The following MMP20 variants were observed in gnomAD, a reference collection of about 807,000 sequenced individuals.
MMP20 encodes matrix metallopeptidase 20.
In MMP20, 50 loss-of-function variants were observed where a neutral mutation model predicts 51.8. The observed-to-expected ratio is 0.97, with a 90% CI of 0.77 to 1.22. MMP20 has a LOEUF of 1.22. Ranked by LOEUF, MMP20 falls within the 50% of genes most tolerant of loss-of-function variation. The probability of loss-of-function intolerance (pLI) is 0.00; values close to 1 mark genes in which losing one functional copy is unlikely to be tolerated. For missense variants in MMP20, 663 were observed against 601.4 expected (o/e 1.10, Z -1.07); for synonymous variants, 244 against 216.2 (o/e 1.13, Z -1.13).
intron 1 of MMP20, 87 bp from the exon 2 acceptor site, chr11:102,617,146 G>T: frequency 6.7e-7 from 1 of 1,486,294 alleles, no homozygotes; most frequent in Non-Finnish European, 9.4e-7. Context: ...CATTCCTGAT[G>T]TATTAAAAGC....
At chr11:102,591,191 A>G (rs1859312819) in intron 8 of MMP20, among the ~76,000 whole-genome samples, 1 of 152,182 alleles carries the variant, frequency 6.6e-6, no homozygotes, top group Admixed American at 6.5e-5. Context: ...GGTTTCTCTA[A>G]ACTTTTGAGC....
intron 2 of MMP20, 147 bp from the exon 3 acceptor site, chr11:102,612,050 G>A (rs777052901): frequency 1.3e-6 from 1 of 792,820 alleles, no homozygotes; most frequent in South Asian, 1.7e-5. Flanking sequence ...TTTATTATAT[G>A]TTAAATTTCT....
Position 102,625,280 on chromosome 11 carries a change from T to C in MMP20, c.40A>G (p.Ile14Val). 1 of 1,613,738 alleles carries C rather than the reference T, an allele frequency of 6.2e-7. No homozygotes were observed. Among genetic ancestry groups the C allele is most frequent in the Non-Finnish European group, 8.5e-7 (1 of 1,179,820 alleles). Residue 14 changes from isoleucine to valine, a missense_variant, in exon 1 of 10, where the codon ATC becomes GTC. Transcript: ENST00000260228. ...LPASGLAVFL[I>V]MALKFSTAAP... ...GCAGTGGAAAACTTCAAAGCCATGA[T>C]GAGGAAGACAGCAAGGCCAGATGCA...
At chr11:102,589,878 T>C (rs990184630) in intron 8 of MMP20, among the ~76,000 whole-genome samples, 2 of 152,216 alleles carry the variant, frequency 1.3e-5, no homozygotes, top group Admixed American at 1.3e-4. Flanking sequence ...TTATGGTGAC[T>C]ATAAAATCCT....
chr11:102,582,335 G>T (rs1352589903), intron 8 of MMP20, among the ~76,000 whole-genome samples: 1 of 152,140 alleles, frequency 6.6e-6, no homozygotes, highest in Non-Finnish European at 1.5e-5. Context: ...TCAGCTAAAG[G>T]ATGCTTAAAG....
chr11:102,598,769 T>C (rs1859412180), intron 6 of MMP20, among the ~76,000 whole-genome samples: 1 of 152,194 alleles, frequency 6.6e-6, no homozygotes, highest in Admixed American at 6.5e-5. Context: ...TTGATGCATG[T>C]TGTTGAGCCT....
At chr11:102,599,992 AG>A (rs1177034562) in intron 6 of MMP20, among the ~76,000 whole-genome samples, 1 of 152,216 alleles carries the variant, frequency 6.6e-6, no homozygotes, top group Admixed American at 6.5e-5. Context: ...GAACATGTAA[AG>A]GGCCCCTCCT....
At chr11:102,622,221 C>G (rs1859760071) in intron 1 of MMP20, among the ~76,000 whole-genome samples, 1 of 152,132 alleles carries the variant, frequency 6.6e-6, no homozygotes, top group African/African-American at 2.4e-5. Flanking sequence ...AACGTGGCCT[C>G]TCTGGTGTTT....
intron 9 of MMP20, 29 bp from the exon 10 acceptor site, chr11:102,577,455 A>T (rs767596029): frequency 6.9e-7 from 1 of 1,442,844 alleles, no homozygotes; most frequent in Non-Finnish European, 9.8e-7. Flanking sequence ...AAATTGGGTT[A>T]CTGAAGATGT....
At chr11:102,593,364 C>T (rs763010161) in intron 8 of MMP20, 75 bp downstream of exon 8, 24 of 1,522,090 alleles carry the variant, frequency 1.6e-5, no homozygotes, top group East Asian at 1.4e-4. Flanking sequence ...TGCATTCTTT[C>T]GTGGAAGGGT....
chr11:102,594,771 C>CAAAA lies in MMP20; in HGVS notation c.954-18_954-15dup. 1.1e-5 allele frequency: 15 copies of CAAAA among 1,403,638 alleles called. No homozygotes were observed. The highest frequency in any genetic ancestry group is 2.6e-4 in the Middle Eastern group (1 of 3,910). The allele number at this position is 1,403,638 out of a possible 1,614,324, so 86.9% of individuals were successfully genotyped here. ...CTCCAGAAAATCCTATGGGACATTC[C>CAAAA]AAAAAAAAAAAAAAAAAAAATCAAG... On this transcript the variant is annotated splice_polypyrimidine_tract_variant and intron_variant, in intron 6 of 9. Coordinates refer to ENST00000260228, the MANE Select transcript of MMP20 (RefSeq NM_004771.4).
intron 2 of MMP20, 132 bp downstream of exon 2, chr11:102,616,680 A>C: frequency 8.2e-7 from 1 of 1,220,786 alleles, no homozygotes; most frequent in South Asian, 1.4e-5. Flanking sequence ...ATGGATGTAA[A>C]AAGTTCTTAT....
At chr11:102,583,484 A>G (rs1289040100) in intron 8 of MMP20, 23 of 152,226 alleles carry the variant, frequency 1.5e-4, no homozygotes, top group Admixed American at 1.5e-3. Flanking sequence ...AATTGCCTAC[A>G]GTATTCAGTA....
chr11:102,577,085 T>A lies in MMP20; in HGVS notation c.*241A>T, dbSNP rs1859134411. On this transcript the variant is annotated 3_prime_UTR_variant, in exon 10 of 10. Transcript: ENST00000260228. The stretch of plus-strand genomic sequence containing the variant: ...AAAATAATGGTGTCTAACTGCAGAG[T>A]GCATTGTGTTGATTTGGATTTCGCA... The A allele has an allele frequency of 1.0e-5, 5 of 486,384 alleles. No individual in the cohort carries two copies. Among genetic ancestry groups the A allele is most frequent in the Non-Finnish European group, 1.9e-5 (5 of 267,238 alleles). The allele number at this position is 486,384 out of a possible 1,614,324, so 30.1% of individuals were successfully genotyped here. A position where few individuals can be genotyped will look rare whatever the true frequency, so the allele number is the denominator to read the frequency against.
At chr11:102,604,369 CA>C (rs1859486808) in intron 6 of MMP20, among the ~76,000 whole-genome samples, 1 of 152,132 alleles carries the variant, frequency 6.6e-6, no homozygotes, top group Non-Finnish European at 1.5e-5. Context: ...AGAAAAATGT[CA>C]ATGGTCAGTG....
intron 8 of MMP20, among the ~76,000 whole-genome samples, chr11:102,587,864 C>T (rs374026481): frequency 6.6e-6 from 1 of 152,108 alleles, no homozygotes; most frequent in Non-Finnish European, 1.5e-5. Context: ...CTGTAGACAG[C>T]ATATAGGTGG....
intron 2 of MMP20, 22 bp from the exon 3 acceptor site, chr11:102,611,925 G>A (rs1859606403): frequency 6.2e-7 from 1 of 1,613,642 alleles, no homozygotes; most frequent in Non-Finnish European, 8.5e-7. Flanking sequence ...GAAGGAACAT[G>A]TTTTCTTTTC....
chr11:102,594,490 C>A (rs1859355641), intron 7 of MMP20, 131 bp downstream of exon 7: 1 of 1,222,030 alleles, frequency 8.2e-7, no homozygotes, highest in Non-Finnish European at 1.2e-6. Context: ...CATTTCATAC[C>A]CAACCTGAGG....
intron 6 of MMP20, among the ~76,000 whole-genome samples, chr11:102,596,726 C>G (rs1001148529): frequency 6.6e-6 from 1 of 152,202 alleles, no homozygotes; most frequent in Non-Finnish European, 1.5e-5. Context: ...CTCTAGCTGC[C>G]TTGAGGTTAG....
Sources: gnomAD v4.1 joint callset for allele counts (sites outside exome capture counted in the v4.1 genomes callset) on GRCh38, gnomAD v4.1.1 for gene constraint, MANE v1.5 for transcripts, NCBI Gene and HGNC (gene_info 2026-07-23, HGNC 2026-07-21) for gene names.